Variants in ZPBP observed in about 807,000 individuals in gnomAD.
ZPBP encodes zona pellucida binding protein.
Under a neutral mutation model 44.8 loss-of-function variants are expected in ZPBP, and 26 were observed. That is an observed-to-expected ratio of 0.58 (90% CI 0.43 to 0.81). The LOEUF (loss-of-function observed/expected upper bound fraction) is 0.81. ZPBP is among the 30% of genes least tolerant of loss of function. The pLI, the probability that ZPBP is intolerant of heterozygous loss-of-function variation, is 0.00. For missense variants in ZPBP, 409 were observed against 434.0 expected, an observed-to-expected ratio of 0.94 and a Z score of 0.51; for synonymous variants, 174 against 153.2, an observed-to-expected ratio of 1.14 and a Z score of -1.00.
intron 1 of ZPBP, among the ~76,000 whole-genome samples, chr7:49,903,446 ATC>A (rs1562764204): frequency 6.6e-6 from 1 of 152,218 alleles, no homozygotes; most frequent in Non-Finnish European, 1.5e-5. Flanking sequence ...ACTTGGATAG[ATC>A]TCAAAGGCTT....
intron 4 of ZPBP, among the ~76,000 whole-genome samples, chr7:50,051,867 CA>C (rs991597676): frequency 6.6e-6 from 1 of 151,950 alleles, no homozygotes; most frequent in Non-Finnish European, 1.5e-5. Flanking sequence ...ACTTAATATC[CA>C]AGTGATGGGC....
At chr7:50,041,950 C>A (rs1317527673) in intron 4 of ZPBP, among the ~76,000 whole-genome samples, 1 of 152,074 alleles carries the variant, frequency 6.6e-6, no homozygotes, top group Non-Finnish European at 1.5e-5. Flanking sequence ...GAATTGCTAA[C>A]TAGAATAACC....
intron 7 of ZPBP, among the ~76,000 whole-genome samples, chr7:49,957,290 T>C (rs1371392026): frequency 3.9e-5 from 6 of 152,160 alleles, no homozygotes; most frequent in South Asian, 2.1e-4. Context: ...AGATAGAAAA[T>C]TGATTTTGAG....
chr7:49,990,092 G>A (rs944419676), intron 6 of ZPBP, among the ~76,000 whole-genome samples: 1 of 152,186 alleles, frequency 6.6e-6, no homozygotes, highest in African/African-American at 2.4e-5. Flanking sequence ...CCCTAGGAAA[G>A]AAAACTGGAT....
At chr7:50,032,226 T>G (rs1192089948) in intron 4 of ZPBP, among the ~76,000 whole-genome samples, 1 of 152,160 alleles carries the variant, frequency 6.6e-6, no homozygotes, top group Non-Finnish European at 1.5e-5. Context: ...TTGTACTGAT[T>G]CATCCATCAG....
At chr7:50,066,575 A>C (rs1448743202) in intron 3 of ZPBP, among the ~76,000 whole-genome samples, 1 of 152,256 alleles carries the variant, frequency 6.6e-6, no homozygotes, top group Non-Finnish European at 1.5e-5. Flanking sequence ...CACTACACAT[A>C]GGCATGGCAA....
At chr7:49,849,436 A>T (rs1164262497), downstream of ZPBP, among the ~76,000 whole-genome samples, 1 of 152,162 alleles carries the variant, frequency 6.6e-6, no homozygotes, top group Non-Finnish European at 1.5e-5. Flanking sequence ...CTCTGCTGGG[A>T]GCAGACTGTC....
intron 5 of ZPBP, among the ~76,000 whole-genome samples, chr7:50,019,631 A>G (rs1413094636): frequency 6.6e-6 from 1 of 152,124 alleles, no homozygotes; most frequent in Non-Finnish European, 1.5e-5. Context: ...GAATATATGC[A>G]GAGTATATTC....
chr7:50,056,297 GT>G, intron 4 of ZPBP: 1 of 152,278 alleles, frequency 6.6e-6, no homozygotes. Flanking sequence ...TCTAGCTGTA[GT>G]GGCTGCCTTC....
At chr7:49,859,133 G>C (rs1001476760) in intron 2 of ZPBP, among the ~76,000 whole-genome samples, 1 of 152,180 alleles carries the variant, frequency 6.6e-6, no homozygotes, top group Admixed American at 6.5e-5. Context: ...CACTGATGGG[G>C]CATGTGTGTC....
intron 3 of ZPBP, among the ~76,000 whole-genome samples, chr7:50,074,334 C>T (rs776249159): frequency 7.2e-5 from 11 of 151,746 alleles, no homozygotes; most frequent in South Asian, 4.2e-4. Context: ...CAGAGAAAAT[C>T]GCCTTCACTA....
chr7:49,905,295 G>C lies in ZPBP; in HGVS notation n.412-4080C>G, dbSNP rs539991512. Among the ~76,000 whole-genome samples, 4 of 152,298 alleles carry C rather than the reference G, an allele frequency of 2.6e-5. No individual in the cohort carries two copies. In the South Asian group the frequency reaches 8.3e-4, roughly 32 times the overall value. On this transcript the variant is annotated intron_variant and non_coding_transcript_variant, in intron 1 of 2. Transcript: ENST00000465922. ...AGAGTACATGATAGCTATGGAAAGT[G>C]ACCATTCATCACTCAGCCATCTCCA...
At chr7:49,987,006 C>G (rs1349455967) in intron 6 of ZPBP, among the ~76,000 whole-genome samples, 2 of 152,170 alleles carry the variant, frequency 1.3e-5, no homozygotes, top group Non-Finnish European at 2.9e-5. Flanking sequence ...TAGCCTCCAA[C>G]ATTTTACAGC....
intron 1 of ZPBP, chr7:49,913,090 T>C (rs1793541418): frequency 6.6e-6 from 1 of 152,190 alleles, no homozygotes. Context: ...AATCTAAATG[T>C]GCTACAGATA....
chr7:49,860,576 A>G (rs1254652166), intron 2 of ZPBP, among the ~76,000 whole-genome samples: 1 of 152,244 alleles, frequency 6.6e-6, no homozygotes, highest in Non-Finnish European at 1.5e-5. Context: ...GCATACAAGT[A>G]TCTGTTTCAG....
At chr7:49,934,099 A>G (rs1453193322), downstream of ZPBP, among the ~76,000 whole-genome samples, 1 of 150,890 alleles carries the variant, frequency 6.6e-6, no homozygotes, top group East Asian at 1.9e-4. Context: ...GCTTGGGTTC[A>G]GGCACAATAA....
intron 3 of ZPBP, among the ~76,000 whole-genome samples, chr7:50,066,118 C>A (rs1801488765): frequency 6.6e-6 from 1 of 151,068 alleles, no homozygotes; most frequent in Non-Finnish European, 1.5e-5. Context: ...CTGCTTAAGC[C>A]TCTCTTGTGT....
chr7:50,038,335 T>C (rs915982939), intron 4 of ZPBP, among the ~76,000 whole-genome samples: 5 of 152,188 alleles, frequency 3.3e-5, no homozygotes, highest in Admixed American at 2.0e-4. Flanking sequence ...GATTCATAGA[T>C]TCACTGGCGT....
At chr7:49,920,697 TTTAA>T (rs1201733214) in intron 1 of ZPBP, 10 of 147,000 alleles carry the variant, frequency 6.8e-5, no homozygotes, top group Non-Finnish European at 6.0e-5. Context: ...CACATATGTA[TTTAA>T]TTGTGTTATT....
Sources: gnomAD v4.1 joint callset for allele counts (sites outside exome capture counted in the v4.1 genomes callset) on GRCh38, gnomAD v4.1.1 for gene constraint, MANE v1.5 for transcripts, NCBI Gene and HGNC (gene_info 2026-07-23, HGNC 2026-07-21) for gene names.